Variants in RBM44 observed in about 807,000 individuals in gnomAD.
RBM44 encodes the protein RNA-binding protein 44.
Under a neutral mutation model 105.1 loss-of-function variants are expected in RBM44, and 66 were observed. That is an observed-to-expected ratio of 0.63 (90% CI 0.52 to 0.77). The LOEUF is 0.77. Among genes scored for constraint, RBM44 ranks in the 30% least tolerant of loss-of-function variants. The pLI is 0.00. For missense variants in RBM44, 1,122 were observed against 1,207.8 expected, an observed-to-expected ratio of 0.93 and a Z score of 1.05; for synonymous variants, 365 against 417.6, an observed-to-expected ratio of 0.87 and a Z score of 1.54.
At chr2:237,809,172 T>A (rs914156489) in intron 1 of RBM44, among the ~76,000 whole-genome samples, 1 of 152,212 alleles carries the variant, frequency 6.6e-6, no homozygotes, top group Non-Finnish European at 1.5e-5. Context: ...TATATTTTTT[T>A]AATATAGTTG....
rs1195304339 is a variant in RBM44 at position 237,818,589 on chromosome 2, T to C, written c.1670T>C (p.Leu557Pro). Reference sequence around the variant, plus strand: ...AGTTTAAAACCTAATGGAAATTTTCTAAATAAGGTAAAATCAATATGAGTA... The same window carrying C: ...AGTTTAAAACCTAATGGAAATTTTCCAAATAAGGTAAAATCAATATGAGTA... ...VDSLKPNGNF[L>P]NKDFLELRKA... Residue 557 changes from leucine (L) to proline (P), a missense_variant, in exon 3 of 16, where the codon CTA becomes CCA. This residue lies in a region of RBM44 where 918 missense variants were observed against 955.3 expected (regional missense o/e 0.96). Coordinates refer to ENST00000316997, the MANE Select transcript of RBM44 (RefSeq NM_001080504.3). The surrounding 1 kb of genome is among the most constrained non-coding windows in gnomAD (Gnocchi z 4.6). 1 of 1,514,680 alleles carries C rather than the reference T, an allele frequency of 6.6e-7. No homozygotes were observed. The highest frequency in any genetic ancestry group is 1.3e-5 in the South Asian group (1 of 75,342). 93.8% of individuals were successfully genotyped at this position (1,514,680 alleles called of 1,614,324 possible).
Position 237,817,698 on chromosome 2 carries a change from A to G in RBM44, c.779A>G (p.His260Arg). 1 of 1,612,090 alleles carries G rather than the reference A, an allele frequency of 6.2e-7. No homozygotes were observed. Among genetic ancestry groups the G allele is most frequent in the Non-Finnish European group, 8.5e-7 (1 of 1,178,740 alleles). ...GTTTATGGACAAGAAGAGTCACTTCATGTCTCCAAATTTCAGAATTCTGTT... is the reference window on the plus strand; with the variant it reads ...GTTTATGGACAAGAAGAGTCACTTCGTGTCTCCAAATTTCAGAATTCTGTT... ...LDVYGQEESL[H>R]VSKFQNSVML... is the part of the protein sequence containing the mutation. The change falls in exon 3 of 16, where the codon CAT becomes CGT. Residue 260 changes from histidine to arginine, a missense_variant. By Grantham distance (29) the His-to-Arg change is conservative. Around this residue, in one of 3 missense-constraint regions of RBM44, gnomAD observed 918 missense variants for 955.3 expected, o/e 0.96. Coordinates refer to ENST00000316997, the MANE Select transcript of RBM44 (RefSeq NM_001080504.3).
chr2:237,807,013 A>T (rs1443862367), intron 1 of RBM44, among the ~76,000 whole-genome samples: 1 of 152,206 alleles, frequency 6.6e-6, no homozygotes, highest in Non-Finnish European at 1.5e-5. Context: ...AGCTAAACGT[A>T]TCATTTTAAT....
rs998713553 is a variant in RBM44, at chr2:237,818,681, T to A, written c.1677+85T>A. The A allele has an allele frequency of 2.1e-5, 20 of 963,516 alleles. No individual in the cohort carries two copies. Among genetic ancestry groups the A allele is most frequent in the Non-Finnish European group, 3.0e-5 (20 of 672,104 alleles). 59.7% of individuals were successfully genotyped at this position (963,516 alleles called of 1,614,324 possible). On this transcript the variant is annotated intron_variant, in intron 3 of 15. Transcript: ENST00000316997. This position sits in a 1 kb window ranked among gnomAD's most constrained non-coding sequence, Gnocchi z 4.6. ...TGTAAGTGTTTTTGGTTCGTTGAAT[T>A]AAGGCTTTTGTGAGAAGATGCTAGA...
chr2:237,804,977 T>C (rs1345987774), intron 1 of RBM44, among the ~76,000 whole-genome samples: 1 of 152,210 alleles, frequency 6.6e-6, no homozygotes, highest in Non-Finnish European at 1.5e-5. Context: ...CTCATTGTAA[T>C]ACTGGAAGTC....
At chr2:237,805,453 C>T (rs1415337811) in intron 1 of RBM44, among the ~76,000 whole-genome samples, 2 of 152,268 alleles carry the variant, frequency 1.3e-5, no homozygotes, top group East Asian at 3.9e-4. Context: ...TATGAAACTA[C>T]CAATATTATT....
At chr2:237,800,215 T>C (rs1318908761) in intron 1 of RBM44, among the ~76,000 whole-genome samples, 1 of 152,240 alleles carries the variant, frequency 6.6e-6, no homozygotes, top group African/African-American at 2.4e-5. Context: ...TTGCATTTCC[T>C]TCATGACTCT....
At chr2:237,820,070 A>G in intron 4 of RBM44, 105 bp from the exon 5 acceptor site, 1 of 574,914 alleles carries the variant, frequency 1.7e-6, no homozygotes, top group Non-Finnish European at 2.9e-6. Context: ...ATTGATTTAA[A>G]CTTGACAGGG....
At chr2:237,824,625 C>T (rs1286873542) in intron 10 of RBM44, among the ~76,000 whole-genome samples, 4 of 151,872 alleles carry the variant, frequency 2.6e-5, no homozygotes, top group Non-Finnish European at 4.4e-5. Flanking sequence ...AGCTTAAATC[C>T]AAGATTTAGT....
Position 237,817,224 on chromosome 2 carries a change from G to T in RBM44, c.305G>T (p.Ser102Ile). 1 of 1,603,830 alleles carries T rather than the reference G, an allele frequency of 6.2e-7. No homozygotes were observed. Among genetic ancestry groups the T allele is most frequent in the Non-Finnish European group, 8.5e-7 (1 of 1,176,050 alleles). Reference sequence around the variant, plus strand: ...TTTCAGTCAAGTGAACTTGAAGACAGTACTGACTATGCTTTCTTGAATAAA... The same window carrying T: ...TTTCAGTCAAGTGAACTTGAAGACATTACTGACTATGCTTTCTTGAATAAA... The part of the protein sequence containing the change: ...TQFQSSELED[S>I]TDYAFLNKTY... The change falls in exon 3 of 16, where the codon AGT becomes ATT. Residue 102 changes from serine to isoleucine, a missense_variant. Physicochemically the swap from Ser to Ile is moderately radical, Grantham distance 142. Transcript: ENST00000316997.
Position 237,803,197 on chromosome 2 carries a change from G to T in RBM44, c.-19+4336G>T, listed in dbSNP as rs999966364. Among the ~76,000 whole-genome samples the T allele has an allele frequency of 3.0e-4, 45 of 152,018 alleles. No homozygotes were observed. Among genetic ancestry groups the T allele is most frequent in the African/African-American group, 1.1e-3 (45 of 41,382 alleles). On this transcript the variant is annotated intron_variant, in intron 1 of 15. Coordinates refer to ENST00000316997, the MANE Select transcript of RBM44 (RefSeq NM_001080504.3). This position sits in a 1 kb window ranked among gnomAD's most constrained non-coding sequence, Gnocchi z 4.2. Reference sequence around the variant, plus strand: ...CAGGAGAATCACTTTGACCTGGGAGGTAGGGGTTGCAGTGAGCCAAGATCA... The same window carrying T: ...CAGGAGAATCACTTTGACCTGGGAGTTAGGGGTTGCAGTGAGCCAAGATCA...
At chr2:237,807,384 A>T (rs2061610068) in intron 1 of RBM44, among the ~76,000 whole-genome samples, 2 of 152,178 alleles carry the variant, frequency 1.3e-5, no homozygotes, top group Non-Finnish European at 2.9e-5. Context: ...TCCTGACTTT[A>T]AGTGATCTGC....
At chr2:237,804,646 C>T (rs1258888499) in intron 1 of RBM44, among the ~76,000 whole-genome samples, 2 of 152,068 alleles carry the variant, frequency 1.3e-5, no homozygotes, top group African/African-American at 4.8e-5. Context: ...TTGTTTTTCA[C>T]TTGTTGATTT....
At chr2:237,836,893 G>T (rs1476465464) in intron 15 of RBM44, among the ~76,000 whole-genome samples, 3 of 151,762 alleles carry the variant, frequency 2.0e-5, no homozygotes, top group African/African-American at 7.3e-5. Flanking sequence ...GCCTCCCAAA[G>T]TGCTAGGGAT....
chr2:237,821,417 G>T (rs2061788464), intron 7 of RBM44, 49 bp downstream of exon 7: 2 of 1,366,104 alleles, frequency 1.5e-6, no homozygotes, highest in African/African-American at 1.5e-5. Context: ...CCTAAAAATT[G>T]CTTAATTCAG....
At chr2:237,836,166 T>C (rs913318049) in intron 15 of RBM44, among the ~76,000 whole-genome samples, 4 of 152,196 alleles carry the variant, frequency 2.6e-5, no homozygotes, top group African/African-American at 7.2e-5. Flanking sequence ...CTGTTGACTT[T>C]AAGTTCAAGC....
Position 237,818,793 on chromosome 2 carries a change from TC to T in RBM44, c.1678-106del, listed in dbSNP as rs1232278063. ...AATTACCACCAGTTCTATCCTCCTC[TC>T]CTGGCAGCTCCTCCCACAAAATCCA... On this transcript the variant is annotated intron_variant, in intron 3 of 15. Transcript: ENST00000316997. The surrounding 1 kb of genome is among the most constrained non-coding windows in gnomAD (Gnocchi z 4.6). 2.9e-6 allele frequency: 2 copies of T among 683,972 alleles called. No homozygotes were observed. Among genetic ancestry groups the T allele is most frequent in the Non-Finnish European group, 4.8e-6 (2 of 414,524 alleles). The allele number at this position is 683,972 out of a possible 1,614,324, so 42.4% of individuals were successfully genotyped here.
At chr2:237,833,517 G>A (rs2061922884) in intron 13 of RBM44, among the ~76,000 whole-genome samples, 2 of 152,168 alleles carry the variant, frequency 1.3e-5, no homozygotes, top group Non-Finnish European at 2.9e-5. Context: ...ATTACATACA[G>A]CATATAGTAA....
chr2:237,807,439 G>C (rs956734801), intron 1 of RBM44, among the ~76,000 whole-genome samples: 1 of 152,214 alleles, frequency 6.6e-6, no homozygotes, highest in African/African-American at 2.4e-5. Context: ...CTGAGCCACT[G>C]CGCCCAGTCC....
Sources: allele counts gnomAD v4.1 joint callset (sites outside exome capture counted in the v4.1 genomes callset), GRCh38; gene constraint gnomAD v4.1.1; regional missense constraint gnomAD v4.1.1; non-coding constraint Gnocchi (gnomAD v3.1); transcripts MANE v1.5; gene names NCBI Gene and HGNC (gene_info 2026-07-23, HGNC 2026-07-21).